TSHZ3: variants seen among roughly 807,000 people sequenced by gnomAD.
TSHZ3 encodes the protein teashirt homolog 3.
Under a neutral mutation model 64.5 loss-of-function variants are expected in TSHZ3, and 10 were observed. That is an observed-to-expected ratio of 0.16 (90% CI 0.10 to 0.26). TSHZ3 has a LOEUF of 0.26. Ranked by LOEUF, TSHZ3 falls within the 10% of genes least tolerant of loss-of-function variation. The probability of loss-of-function intolerance (pLI) is 1.00; values close to 1 mark genes in which losing one functional copy is unlikely to be tolerated. For missense variants in TSHZ3, 1,242 were observed against 1,421.7 expected (o/e 0.87, Z 2.03); for synonymous variants, 608 against 593.1 (o/e 1.03, Z -0.36).
intron 1 of TSHZ3, among the ~76,000 whole-genome samples, chr19:31,323,912 A>ACACACACACG (rs1916855129): frequency 7.0e-6 from 1 of 143,694 alleles, no homozygotes; most frequent in Non-Finnish European, 1.5e-5. Context: ...ACACACACAC[A>ACACACACACG]CACACAGTGC....
In TSHZ3 at chr19:31,277,030, C is replaced by T; in HGVS notation, c.2763G>A (p.Lys921=). ...AASLRQTSEG[K]YIMSDLSPQE... The stretch of plus-strand genomic sequence containing the variant: ...GGGGGCTCAGGTCTGACATGATGTA[C>T]TTCCCTTCTGAGGTCTGCCGGAGGC... The change falls in exon 2 of 2, where the codon AAG becomes AAA. Residue 921 remains lysine, a synonymous_variant. Coordinates refer to ENST00000240587, the MANE Select transcript of TSHZ3 (RefSeq NM_020856.4). This position sits in a 1 kb window ranked among gnomAD's most constrained non-coding sequence, Gnocchi z 4.5. 3.7e-6 allele frequency: 6 copies of T among 1,611,248 alleles called. No individual in the cohort carries two copies. The highest frequency in any genetic ancestry group is 5.1e-6 in the Non-Finnish European group (6 of 1,178,104).
At chr19:31,342,788 C>G (rs1052015415) in intron 1 of TSHZ3, among the ~76,000 whole-genome samples, 32 of 152,150 alleles carry the variant, frequency 2.1e-4, no homozygotes, top group African/African-American at 7.2e-4. Flanking sequence ...ATTGTGTTTT[C>G]CATTGCTATA....
rs376774171 is a variant in TSHZ3, at chr19:31,172,056, G to A, written n.810-15639C>T. On this transcript the variant is annotated intron_variant and non_coding_transcript_variant, in intron 5 of 6. Transcript: ENST00000651361. The stretch of plus-strand genomic sequence containing the variant: ...CTTCAAGAGACACCAAAACAACCAT[G>A]ACAACTGAGAAAGATCTCTGGAGAG... Among the ~76,000 whole-genome samples, 4 of 152,176 alleles carry A rather than the reference G, an allele frequency of 2.6e-5. No individual in the cohort carries two copies. The East Asian group carries it at 5.8e-4, about 22-fold the overall frequency.
At chr19:31,166,633 T>C (rs1169365744) in intron 5 of TSHZ3, among the ~76,000 whole-genome samples, 1 of 152,154 alleles carries the variant, frequency 6.6e-6, no homozygotes, top group African/African-American at 2.4e-5. Context: ...TTGGTGATCA[T>C]ATTAGGCTTT....
upstream of TSHZ3, among the ~76,000 whole-genome samples, chr19:31,350,800 C>T (rs1046613070): frequency 6.8e-6 from 1 of 147,128 alleles, no homozygotes; most frequent in East Asian, 2.0e-4. Context: ...AGCCGGAGCC[C>T]GAGCGGCGCG....
chr19:31,156,325 T>A (rs1022849497), intron 6 of TSHZ3, among the ~76,000 whole-genome samples: 8 of 152,210 alleles, frequency 5.3e-5, no homozygotes, highest in African/African-American at 1.4e-4. Context: ...TTAGCACTTG[T>A]GTAACAATAA....
At chr19:31,269,239 G>A (rs1976099746) in intron 1 of TSHZ3, among the ~76,000 whole-genome samples, 1 of 152,128 alleles carries the variant, frequency 6.6e-6, no homozygotes, top group South Asian at 2.1e-4. Context: ...AAATTAAATC[G>A]ACATCCAAAC....
At chr19:31,152,589 G>C in intron 6 of TSHZ3, among the ~76,000 whole-genome samples, 1 of 152,162 alleles carries the variant, frequency 6.6e-6, no homozygotes, top group East Asian at 1.9e-4. Context: ...GGATGTTCAG[G>C]AGTGCCAGAG....
chr19:31,219,848 C>A (rs978397811), intron 4 of TSHZ3, among the ~76,000 whole-genome samples: 1 of 149,434 alleles, frequency 6.7e-6, no homozygotes, highest in African/African-American at 2.4e-5. Context: ...AAAATGTATA[C>A]TGAATATATC....
In TSHZ3 at chr19:31,194,749, C is replaced by T. The variant is rs1974960392; in HGVS notation, n.809+10207G>A. Among the ~76,000 whole-genome samples, 3 of 152,138 alleles carry T rather than the reference C, an allele frequency of 2.0e-5. 1 individual carries two copies. The South Asian group carries it at 6.2e-4, about 32-fold the overall frequency. ...AGACACAGCGAGTGTCAAAAGGAGACTCAGATATGACAGAAATGTTGGAAT... is the reference window on the plus strand; with the variant it reads ...AGACACAGCGAGTGTCAAAAGGAGATTCAGATATGACAGAAATGTTGGAAT... On this transcript the variant is annotated intron_variant and non_coding_transcript_variant, in intron 5 of 6. Coordinates refer to the TSHZ3 transcript ENST00000651361.
chr19:31,208,243 G>T (rs923726054), intron 4 of TSHZ3, among the ~76,000 whole-genome samples: 14 of 152,244 alleles, frequency 9.2e-5, no homozygotes, highest in African/African-American at 3.1e-4. Context: ...GTCCTGGAAA[G>T]TTGGGGGCTG....
chr19:31,203,824 C>A (rs1234530862), intron 5 of TSHZ3, among the ~76,000 whole-genome samples: 1 of 151,606 alleles, frequency 6.6e-6, no homozygotes, highest in Non-Finnish European at 1.5e-5. Context: ...TCTTTCTTCT[C>A]CCCTCTCTTC....
At chr19:31,298,897 T>C (rs975425097) in intron 1 of TSHZ3, among the ~76,000 whole-genome samples, 2 of 152,136 alleles carry the variant, frequency 1.3e-5, no homozygotes, top group Admixed American at 6.5e-5. Flanking sequence ...CCTGATTCTT[T>C]AAAAGCGTGA....
chr19:31,158,858 C>T (rs937932137), intron 5 of TSHZ3, among the ~76,000 whole-genome samples: 2 of 152,124 alleles, frequency 1.3e-5, no homozygotes, highest in Non-Finnish European at 1.5e-5. Context: ...CTATGAGAAT[C>T]GAATGTTACT....
intron 4 of TSHZ3, among the ~76,000 whole-genome samples, chr19:31,214,188 G>A (rs1975295940): frequency 6.6e-6 from 1 of 152,206 alleles, no homozygotes; most frequent in Non-Finnish European, 1.5e-5. Flanking sequence ...AGCCCTCTGC[G>A]CACTCTCCGT....
chr19:31,319,691 A>G (rs1307988920), intron 1 of TSHZ3, among the ~76,000 whole-genome samples: 3 of 152,222 alleles, frequency 2.0e-5, no homozygotes, highest in African/African-American at 4.8e-5. Context: ...AGAGGGACAA[A>G]TAACCACCAT....
chr19:31,291,804 T>G (rs1976570693), intron 1 of TSHZ3, among the ~76,000 whole-genome samples: 1 of 151,992 alleles, frequency 6.6e-6, no homozygotes, highest in African/African-American at 2.4e-5. Context: ...CCTGGAGGAG[T>G]GCTTCACTGC....
chr19:31,164,755 C>T (rs1343130786), intron 5 of TSHZ3, among the ~76,000 whole-genome samples: 1 of 152,178 alleles, frequency 6.6e-6, no homozygotes, highest in African/African-American at 2.4e-5. Flanking sequence ...GGGTGAGGTG[C>T]AGCTCCCACC....
chr19:31,225,942 C>CA (rs2145171526), intron 4 of TSHZ3, among the ~76,000 whole-genome samples: 1 of 152,174 alleles, frequency 6.6e-6, no homozygotes, highest in East Asian at 1.9e-4. Context: ...TCCTGGCTAA[C>CA]ATGGTGAAAC....
Sources: gnomAD v4.1 joint callset for allele counts (sites outside exome capture counted in the v4.1 genomes callset) on GRCh38, gnomAD v4.1.1 for gene constraint, Gnocchi (gnomAD v3.1) non-coding constraint, MANE v1.5 for transcripts, NCBI Gene and HGNC (gene_info 2026-07-23, HGNC 2026-07-21) for gene names.